CNOT6: variants seen among roughly 807,000 people sequenced by gnomAD.
The protein encoded by CNOT6 is carbon catabolite repression 4 protein.
CNOT6 carries 12 observed loss-of-function variants against 61.2 expected under a neutral mutation model. That is an observed-to-expected ratio of 0.20 (90% CI 0.13 to 0.32). The LOEUF (loss-of-function observed/expected upper bound fraction) is 0.32, where lower values mean the gene tolerates loss of function less well. Ranked by LOEUF, CNOT6 falls within the 10% of genes least tolerant of loss-of-function variation. The pLI, the probability that CNOT6 is intolerant of heterozygous loss-of-function variation, is 1.00. For synonymous variants in CNOT6, 225 were observed against 240.6 expected (o/e 0.94, Z 0.60); for missense variants, 405 against 663.9 (o/e 0.61, Z 4.28).
intron 1 of CNOT6, among the ~76,000 whole-genome samples, chr5:180,522,227 C>T (rs566993692): frequency 6.6e-6 from 1 of 152,014 alleles, no homozygotes; most frequent in South Asian, 2.1e-4. Flanking sequence ...TAGGCTCAGA[C>T]GATCCTCCCA....
intron 4 of CNOT6, among the ~76,000 whole-genome samples, chr5:180,557,090 A>G (rs1381353952): frequency 6.6e-6 from 1 of 152,214 alleles, no homozygotes; most frequent in Non-Finnish European, 1.5e-5. Flanking sequence ...CTTTAAATAG[A>G]CAAAAGTAGT....
Position 180,508,512 on chromosome 5 carries a change from G to T in CNOT6, c.-3+13749G>T, listed in dbSNP as rs1757234990. Among the ~76,000 whole-genome samples the T allele has an allele frequency of 2.0e-5, 3 of 152,088 alleles. No homozygotes were observed. The South Asian group carries it at 6.2e-4, about 32-fold the overall frequency. On this transcript the variant is annotated intron_variant, in intron 1 of 11. Transcript: ENST00000261951. Reference sequence around the variant, plus strand: ...TTTTTATTAGAGACGGGGTTTCACCGTGTTGGCCAGGATGGTCTCGATCTC... The same window carrying T: ...TTTTTATTAGAGACGGGGTTTCACCTTGTTGGCCAGGATGGTCTCGATCTC...
rs1760915345 is a variant in CNOT6 at position 180,574,316 on chromosome 5, T to C, written c.*116T>C. On this transcript the variant is annotated 3_prime_UTR_variant, in exon 12 of 12. Transcript: ENST00000261951. Reference sequence around the variant, plus strand: ...GCTTGCTTAAGAATGATTTGGACTTTCAATCTGATTATTTGATAAGGATAT... The same window carrying C: ...GCTTGCTTAAGAATGATTTGGACTTCCAATCTGATTATTTGATAAGGATAT... 8.6e-6 allele frequency: 7 copies of C among 817,704 alleles called. No individual in the cohort carries two copies. The highest frequency in any genetic ancestry group is 1.2e-5 in the Non-Finnish European group (6 of 496,072). 50.7% of individuals were successfully genotyped at this position (817,704 alleles called of 1,614,324 possible). A position where few individuals can be genotyped will look rare whatever the true frequency, so the allele number is the denominator to read the frequency against.
At chr5:180,545,900 A>G (rs909788153) in intron 2 of CNOT6, among the ~76,000 whole-genome samples, 4 of 152,148 alleles carry the variant, frequency 2.6e-5, no homozygotes, top group Non-Finnish European at 5.9e-5. Context: ...TTAAATTTGC[A>G]TTTCCCTAAT....
intron 1 of CNOT6, among the ~76,000 whole-genome samples, chr5:180,505,291 T>C (rs1757080223): frequency 9.2e-6 from 1 of 108,990 alleles, no homozygotes; most frequent in Non-Finnish European, 1.8e-5. Context: ...AGTCTGGCTC[T>C]GTCGCCCAGT....
intron 4 of CNOT6, among the ~76,000 whole-genome samples, chr5:180,556,362 T>G (rs965138279): frequency 6.6e-6 from 1 of 152,218 alleles, no homozygotes; most frequent in Non-Finnish European, 1.5e-5. Flanking sequence ...CATAGCATAG[T>G]AACTATAGTT....
At chr5:180,497,546 A>G (rs1756669280) in intron 1 of CNOT6, among the ~76,000 whole-genome samples, 1 of 152,142 alleles carries the variant, frequency 6.6e-6, no homozygotes, top group African/African-American at 2.4e-5. Context: ...TTTAGAACCC[A>G]TTCCCATATG....
intron 2 of CNOT6, among the ~76,000 whole-genome samples, chr5:180,532,501 A>T (rs1227111367): frequency 1.3e-5 from 2 of 152,116 alleles, no homozygotes; most frequent in African/African-American, 4.8e-5. Context: ...AAAAACCCTC[A>T]ACCCATGTTT....
intron 2 of CNOT6, among the ~76,000 whole-genome samples, chr5:180,543,886 C>T (rs1561651357): frequency 6.6e-6 from 1 of 152,082 alleles, no homozygotes; most frequent in African/African-American, 2.4e-5. Context: ...TCTCAGCTCA[C>T]TGCAAGCTCC....
chr5:180,510,134 CT>C (rs56899929), intron 1 of CNOT6, among the ~76,000 whole-genome samples: 128 of 37,310 alleles, frequency 3.4e-3, no homozygotes, highest in African/African-American at 0.011. Flanking sequence ...GTCTGTAAAC[CT>C]TTTTTTTTTT....
chr5:180,549,909 C>T lies in CNOT6; in HGVS notation c.113-22C>T, dbSNP rs200655952. ...TGTAGAGAAAACTATATAATCCGTT[C>T]CTGTATTTTTTTCTCTTACAGGAAA... On this transcript the variant is annotated intron_variant, in intron 2 of 11. Coordinates refer to ENST00000261951, the MANE Select transcript of CNOT6 (RefSeq NM_001370472.1). 7.9e-5 allele frequency: 123 copies of T among 1,563,386 alleles called. No individual in the cohort carries two copies. The African/African-American group carries it at 1.4e-3, about 18-fold the overall frequency.
intron 6 of CNOT6, among the ~76,000 whole-genome samples, chr5:180,565,197 A>G (rs1760392678): frequency 6.6e-6 from 1 of 152,178 alleles, no homozygotes; most frequent in Non-Finnish European, 1.5e-5. Flanking sequence ...AATACACCCA[A>G]ATTTTTCTCT....
intron 1 of CNOT6, among the ~76,000 whole-genome samples, chr5:180,518,102 T>G (rs531425181): frequency 1.3e-5 from 2 of 152,306 alleles, no homozygotes; most frequent in South Asian, 4.1e-4. Context: ...GTTATCTCTC[T>G]TTTGTTTTGG....
intron 11 of CNOT6, among the ~76,000 whole-genome samples, chr5:180,571,991 T>C (rs142054415): frequency 3.9e-5 from 6 of 152,272 alleles, no homozygotes; most frequent in Non-Finnish European, 8.8e-5. Flanking sequence ...AATTCCTAAG[T>C]TGACTTTTTC....
intron 1 of CNOT6, among the ~76,000 whole-genome samples, chr5:180,501,050 C>A (rs1214314445): frequency 6.6e-6 from 1 of 151,984 alleles, no homozygotes; most frequent in African/African-American, 2.4e-5. Flanking sequence ...TCAGAAACAG[C>A]TTGTGAATAG....
chr5:180,560,646 G>A (rs1175400841), intron 4 of CNOT6, among the ~76,000 whole-genome samples: 3 of 152,036 alleles, frequency 2.0e-5, no homozygotes, highest in African/African-American at 7.2e-5. Context: ...CTTTCAAGAT[G>A]TTTTTTCTTT....
intron 2 of CNOT6, among the ~76,000 whole-genome samples, chr5:180,538,978 A>G (rs999542260): frequency 6.6e-6 from 1 of 151,208 alleles, no homozygotes; most frequent in African/African-American, 2.4e-5. Context: ...GATGGAGACC[A>G]TTCTGGCCAA....
intron 1 of CNOT6, among the ~76,000 whole-genome samples, chr5:180,508,833 A>T (rs1051377117): frequency 0.061 from 8,875 of 145,736 alleles, 281 homozygotes; most frequent in Non-Finnish European, 0.07. Flanking sequence ...TATTATTATT[A>T]TTTTTTTTTG....
At chr5:180,572,611 GTGA>G (rs1015808689) in intron 11 of CNOT6, among the ~76,000 whole-genome samples, 56 of 152,208 alleles carry the variant, frequency 3.7e-4, no homozygotes, top group African/African-American at 1.3e-3. Flanking sequence ...GTACAGTGAT[GTGA>G]TGATAACACA....
Sources: allele counts gnomAD v4.1 joint callset (sites outside exome capture counted in the v4.1 genomes callset), GRCh38; gene constraint gnomAD v4.1.1; transcripts MANE v1.5; gene names NCBI Gene and HGNC (gene_info 2026-07-23, HGNC 2026-07-21).